Variants in PRORP observed in about 807,000 individuals in gnomAD.
PRORP encodes mitochondrial ribonuclease P catalytic subunit.
PRORP carries 51 observed loss-of-function variants against 59.4 expected under a neutral mutation model. That is an observed-to-expected ratio of 0.86 (90% CI 0.69 to 1.08). PRORP has a LOEUF of 1.08. Ranked by LOEUF, PRORP falls within the 50% of genes least tolerant of loss-of-function variation. The pLI, the probability that PRORP is intolerant of heterozygous loss-of-function variation, is 0.00. For missense variants in PRORP, 646 were observed against 690.3 expected (o/e 0.94, Z 0.72); for synonymous variants, 231 against 245.6 (o/e 0.94, Z 0.55).
rs1440289530 is a variant in PRORP at position 35,124,152 on chromosome 14, G to T, written c.907G>T (p.Asp303Tyr). The T allele has an allele frequency of 1.2e-6, 2 of 1,606,580 alleles. No individual in the cohort carries two copies. Among genetic ancestry groups the T allele is most frequent in the East Asian group, 4.5e-5 (2 of 44,810 alleles). The change falls in exon 2 of 8, where the codon GAT becomes TAT. Residue 303 changes from aspartate (D) to tyrosine (Y), a missense_variant. By Grantham distance (160) the Asp-to-Tyr change is radical. Transcript: ENST00000534898. Reference sequence around the variant, plus strand: ...TGATAACTATTCAAATAAACTACTAGATATTCTTTCATATCTAAGAAATAA... The same window carrying T: ...TGATAACTATTCAAATAAACTACTATATATTCTTTCATATCTAAGAAATAA... ...KDDNYSNKLL[D>Y]ILSYLRNNQL...
At chr14:35,266,940 C>G (rs1246286846) in intron 6 of PRORP, 65 bp downstream of exon 6, 5 of 1,540,972 alleles carry the variant, frequency 3.2e-6, no homozygotes, top group Non-Finnish European at 4.4e-6. Flanking sequence ...TGTTAGTTAC[C>G]TACTTTAAAC....
rs949322949 is a variant in PRORP, at chr14:35,210,585, G to A, written c.1275+29808G>A. On this transcript the variant is annotated intron_variant, in intron 5 of 7. Coordinates refer to ENST00000534898, the MANE Select transcript of PRORP (RefSeq NM_014672.4). ...CAGAATTTTGCAGGAAGAGGCTCATGTTGATAAGTATCAGTTATCTTGAAA... is the reference window on the plus strand; with the variant it reads ...CAGAATTTTGCAGGAAGAGGCTCATATTGATAAGTATCAGTTATCTTGAAA... 6.6e-5 allele frequency among the ~76,000 whole-genome samples: 10 copies of A among 151,366 alleles called. No homozygotes were observed. The Admixed American group carries it at 6.6e-4, about 10-fold the overall frequency.
intron 4 of PRORP, among the ~76,000 whole-genome samples, chr14:35,131,105 G>T (rs2047227469): frequency 6.6e-6 from 1 of 151,428 alleles, no homozygotes; most frequent in Non-Finnish European, 1.5e-5. Flanking sequence ...ACCAGACCTG[G>T]CTAGTTTTTG....
chr14:35,146,568 T>C (rs1200638362), intron 4 of PRORP, among the ~76,000 whole-genome samples: 1 of 152,228 alleles, frequency 6.6e-6, no homozygotes, highest in Non-Finnish European at 1.5e-5. Flanking sequence ...TGTGGGTTTT[T>C]TTCCCCAGAT....
intron 5 of PRORP, among the ~76,000 whole-genome samples, chr14:35,183,299 TA>T (rs1435813570): frequency 6.6e-6 from 1 of 152,118 alleles, no homozygotes; most frequent in African/African-American, 2.4e-5. Flanking sequence ...GAATACTGTA[TA>T]AGAGAATTGA....
intron 5 of PRORP, among the ~76,000 whole-genome samples, chr14:35,212,545 G>A (rs1037177544): frequency 2.0e-5 from 3 of 152,114 alleles, no homozygotes. Flanking sequence ...AGAGCTCTTG[G>A]GTGACTAGGT....
chr14:35,176,353 C>T (rs910535803), intron 4 of PRORP, among the ~76,000 whole-genome samples: 2 of 151,904 alleles, frequency 1.3e-5, no homozygotes, highest in African/African-American at 4.8e-5. Context: ...TTTCACAATA[C>T]TGATTCTTCC....
intron 5 of PRORP, among the ~76,000 whole-genome samples, chr14:35,240,586 A>G (rs1040771827): frequency 6.6e-6 from 1 of 152,112 alleles, no homozygotes; most frequent in East Asian, 1.9e-4. Context: ...ATCACACTGG[A>G]TCTCCTCATT....
Position 35,202,110 on chromosome 14 carries a change from C to G in PRORP, c.1275+21333C>G, listed in dbSNP as rs556097553. On this transcript the variant is annotated intron_variant, in intron 5 of 7. Coordinates refer to ENST00000534898, the MANE Select transcript of PRORP (RefSeq NM_014672.4). ...TCAGCCTCCCGAGTAGCTGGGACTA[C>G]AGGCGCCCGCCACCACGCCCGGCTA... Among the ~76,000 whole-genome samples, 8 of 151,800 alleles carry G rather than the reference C, an allele frequency of 5.3e-5. No homozygotes were observed. The South Asian group carries it at 1.7e-3, about 32-fold the overall frequency.
chr14:35,122,007 T>C (rs377161064), upstream of PRORP: 307 of 1,606,516 alleles, frequency 1.9e-4, no homozygotes, highest in Non-Finnish European at 2.6e-4. Flanking sequence ...TCCTACCTGC[T>C]CCACCCCTAC....
In PRORP at chr14:35,273,742, C is replaced by T. The variant is rs940252664; in HGVS notation, c.*176C>T. ...AGATATATCTTTTCATAACCAGCTG[C>T]GTTTTTTTCCCCTAACATTTGTTTT... On this transcript the variant is annotated 3_prime_UTR_variant, in exon 8 of 8. Transcript: ENST00000534898. The T allele has an allele frequency of 1.8e-5, 9 of 489,592 alleles. No homozygotes were observed. Among genetic ancestry groups the T allele is most frequent in the South Asian group, 1.1e-4 (2 of 18,214 alleles). 30.3% of individuals were successfully genotyped at this position (489,592 alleles called of 1,614,324 possible). A position where few individuals can be genotyped will look rare whatever the true frequency, so the allele number is the denominator to read the frequency against.
chr14:35,272,884 C>T (rs905390397), intron 7 of PRORP, among the ~76,000 whole-genome samples: 1 of 152,180 alleles, frequency 6.6e-6, no homozygotes, highest in African/African-American at 2.4e-5. Flanking sequence ...AACCTACACA[C>T]ATCCTCCTGT....
intron 4 of PRORP, among the ~76,000 whole-genome samples, chr14:35,151,643 C>T (rs908348011): frequency 1.2e-4 from 7 of 60,324 alleles, no homozygotes; most frequent in Non-Finnish European, 8.6e-5. Flanking sequence ...CACACATACA[C>T]ACACACACAC....
chr14:35,258,784 G>A (rs1038511403), intron 5 of PRORP, among the ~76,000 whole-genome samples: 1 of 152,174 alleles, frequency 6.6e-6, no homozygotes, highest in Non-Finnish European at 1.5e-5. Context: ...TGTTTATTTT[G>A]TTGTGCTATG....
At chr14:35,183,416 T>G (rs1470814993) in intron 5 of PRORP, among the ~76,000 whole-genome samples, 1 of 152,142 alleles carries the variant, frequency 6.6e-6, no homozygotes, top group Non-Finnish European at 1.5e-5. Flanking sequence ...TTAAAAAGCA[T>G]TCTTGATAAA....
chr14:35,242,416 C>T (rs2050389848), intron 5 of PRORP, among the ~76,000 whole-genome samples: 1 of 152,056 alleles, frequency 6.6e-6, no homozygotes, highest in Non-Finnish European at 1.5e-5. Context: ...GTGTTTTTTA[C>T]TCTTTGAGTA....
intron 7 of PRORP, among the ~76,000 whole-genome samples, chr14:35,272,151 T>C (rs186798854): frequency 1.6e-3 from 243 of 152,322 alleles, no homozygotes; most frequent in African/African-American, 5.6e-3. Flanking sequence ...TGTTGTATCA[T>C]TGAAAATTGC....
At chr14:35,263,459 G>C (rs1244075856) in intron 5 of PRORP, among the ~76,000 whole-genome samples, 5 of 152,174 alleles carry the variant, frequency 3.3e-5, no homozygotes, top group Non-Finnish European at 7.3e-5. Context: ...GGCTGAGGTG[G>C]GTGGATCACC....
intron 4 of PRORP, among the ~76,000 whole-genome samples, chr14:35,132,660 G>T (rs1468200747): frequency 1.3e-5 from 2 of 151,564 alleles, no homozygotes; most frequent in Non-Finnish European, 2.9e-5. Flanking sequence ...GGTGGTGCGT[G>T]CCTGTAATCC....
Sources: allele counts gnomAD v4.1 joint callset (sites outside exome capture counted in the v4.1 genomes callset), GRCh38; gene constraint gnomAD v4.1.1; transcripts MANE v1.5; gene names NCBI Gene and HGNC (gene_info 2026-07-23, HGNC 2026-07-21).